The following MYH10 variants were observed in gnomAD, a reference collection of about 807,000 sequenced individuals.
The protein encoded by MYH10 is myosin-10.
In MYH10, 55 loss-of-function variants were observed where a neutral mutation model predicts 257.8. The observed-to-expected ratio is 0.21, with a 90% CI of 0.17 to 0.27. MYH10 has a LOEUF of 0.27. Ranked by LOEUF, MYH10 falls within the 10% of genes least tolerant of loss-of-function variation. The probability of loss-of-function intolerance (pLI) is 1.00; values close to 1 mark genes in which losing one functional copy is unlikely to be tolerated. For synonymous variants in MYH10, 854 were observed against 921.7 expected (o/e 0.93, Z 1.33); for missense variants, 1,631 against 2,500.6 (o/e 0.65, Z 7.42).
chr17:8,601,797 A>G (rs1359043949), intron 3 of MYH10, among the ~76,000 whole-genome samples: 1 of 152,248 alleles, frequency 6.6e-6, no homozygotes, highest in Non-Finnish European at 1.5e-5. Flanking sequence ...TTGATACAGT[A>G]TCCCCTAAAA....
chr17:8,567,214 G>C (rs1247999040), intron 7 of MYH10, among the ~76,000 whole-genome samples: 1 of 152,164 alleles, frequency 6.6e-6, no homozygotes, highest in African/African-American at 2.4e-5. Context: ...GTGACGGAAA[G>C]TCTGAAGGAA....
chr17:8,477,755 C>T lies in MYH10; in HGVS notation c.5706+583G>A, dbSNP rs1388894625. On this transcript the variant is annotated intron_variant, in intron 41 of 42. Coordinates refer to ENST00000360416, the MANE Select transcript of MYH10 (RefSeq NM_001256012.3). The surrounding 1 kb of genome is among the most constrained non-coding windows in gnomAD (Gnocchi z 4.2). ...CATCCACCTTTCTGGCCAGTGTCTG[C>T]AGTGTGAAGTCTCACCAGGCAGAGG... Among the ~76,000 whole-genome samples, 1 of 152,198 alleles carries T rather than the reference C, an allele frequency of 6.6e-6. No individual in the cohort carries two copies. Among genetic ancestry groups the T allele is most frequent in the Non-Finnish European group, 1.5e-5 (1 of 68,040 alleles).
At chr17:8,528,533 T>C (rs2081922184) in intron 17 of MYH10, among the ~76,000 whole-genome samples, 1 of 152,178 alleles carries the variant, frequency 6.6e-6, no homozygotes, top group Non-Finnish European at 1.5e-5. Flanking sequence ...TTTCTGCAAA[T>C]CTCTCTTTAT....
At chr17:8,557,304 A>G (rs899027530) in intron 7 of MYH10, among the ~76,000 whole-genome samples, 2 of 152,148 alleles carry the variant, frequency 1.3e-5, no homozygotes, top group African/African-American at 4.8e-5. Flanking sequence ...CCATTTTCCT[A>G]TTAAAAAAAA....
At chr17:8,629,398 G>A (rs1300625208) in intron 1 of MYH10, among the ~76,000 whole-genome samples, 1 of 130,154 alleles carries the variant, frequency 7.7e-6, no homozygotes, top group Non-Finnish European at 1.5e-5. Flanking sequence ...GGGAGCTGCA[G>A]AGGCCCTAAA....
At chr17:8,507,213 G>C (rs1344094559) in intron 26 of MYH10, among the ~76,000 whole-genome samples, 1 of 152,216 alleles carries the variant, frequency 6.6e-6, no homozygotes, top group Non-Finnish European at 1.5e-5. Flanking sequence ...AATGGTTTAT[G>C]AAAGTAATTT....
chr17:8,487,218 A>G (rs1332210001), intron 36 of MYH10, among the ~76,000 whole-genome samples: 2 of 152,258 alleles, frequency 1.3e-5, no homozygotes, highest in Non-Finnish European at 1.5e-5. Flanking sequence ...ACAGGAGGCC[A>G]GCATGATGCC....
rs117071188 is a variant in MYH10, at chr17:8,478,738, T to C, written c.5598-292A>G. Among the ~76,000 whole-genome samples, 448 of 152,186 alleles carry C rather than the reference T, an allele frequency of 2.9e-3. 5 individuals carry two copies. The highest frequency in any genetic ancestry group is 0.024 in the East Asian group (124 of 5,172). Reference sequence around the variant, plus strand: ...ATCATTGTACTCAGTTATCTTACTTTGTTTGTTTTTGAGATGCAGTCTTGC... The same window carrying C: ...ATCATTGTACTCAGTTATCTTACTTCGTTTGTTTTTGAGATGCAGTCTTGC... On this transcript the variant is annotated intron_variant, in intron 40 of 42. Coordinates refer to ENST00000360416, the MANE Select transcript of MYH10 (RefSeq NM_001256012.3).
At chr17:8,478,211 C>A in intron 41 of MYH10, 127 bp downstream of exon 41, 2 of 797,816 alleles carry the variant, frequency 2.5e-6, no homozygotes, top group Non-Finnish European at 4.1e-6. Flanking sequence ...GAACATGGAA[C>A]AGCCCACGTT....
At chr17:8,553,528 TTTTA>T (rs2151967009) in intron 8 of MYH10, among the ~76,000 whole-genome samples, 1 of 152,340 alleles carries the variant, frequency 6.6e-6, no homozygotes, top group South Asian at 2.1e-4. Flanking sequence ...GTACTTGACA[TTTTA>T]TTTTTTTCTC....
chr17:8,475,898 A>T lies in MYH10; in HGVS notation c.5930T>A (p.Leu1977Gln). Residue 1977 changes from leucine (L) to glutamine (Q), a missense_variant, in exon 43 of 43, where the codon CTG becomes CAG. Physicochemically the swap from Leu to Gln is moderately radical, Grantham distance 113. Around this residue, in one of 11 missense-constraint regions of MYH10, gnomAD observed 343 missense variants for 389.5 expected, o/e 0.88. Coordinates refer to ENST00000360416, the MANE Select transcript of MYH10 (RefSeq NM_001256012.3). ...FSSSRSGRRQ[L>Q]HLEGASLELS... is the part of the protein sequence containing the mutation. Reference sequence around the variant, plus strand: ...CTCCAGGGAAGCTCCTTCAAGGTGCAGCTGGCGCCGGCCAGATCGGCTGGA... The same window carrying T: ...CTCCAGGGAAGCTCCTTCAAGGTGCTGCTGGCGCCGGCCAGATCGGCTGGA... 1 of 1,614,224 alleles carries T rather than the reference A, an allele frequency of 6.2e-7. No individual in the cohort carries two copies. Among genetic ancestry groups the T allele is most frequent in the Non-Finnish European group, 8.5e-7 (1 of 1,180,050 alleles).
chr17:8,554,847 G>C (rs1435376097), intron 7 of MYH10, among the ~76,000 whole-genome samples: 1 of 152,206 alleles, frequency 6.6e-6, no homozygotes, highest in Non-Finnish European at 1.5e-5. Flanking sequence ...CAGCTACTCG[G>C]GAGGCAGAGG....
At chr17:8,567,797 A>G (rs542996075) in intron 7 of MYH10, among the ~76,000 whole-genome samples, 3 of 152,332 alleles carry the variant, frequency 2.0e-5, no homozygotes, top group Non-Finnish European at 4.4e-5. Context: ...GCACATGGAC[A>G]AGGATAATTT....
At chr17:8,592,970 T>TATATATATA (rs1567953268) in intron 3 of MYH10, among the ~76,000 whole-genome samples, 13 of 121,950 alleles carry the variant, frequency 1.1e-4, no homozygotes, top group Non-Finnish European at 1.9e-4. Context: ...TATATATATA[T>TATATATATA]AAAAGATGAT....
At chr17:8,610,306 C>T (rs1222799347) in intron 2 of MYH10, among the ~76,000 whole-genome samples, 5 of 58,556 alleles carry the variant, frequency 8.5e-5, no homozygotes, top group Admixed American at 2.0e-4. Context: ...TTGGGGGAAG[C>T]GGCCGGGCAT....
chr17:8,550,528 C>A (rs1321764419), intron 9 of MYH10, among the ~76,000 whole-genome samples: 45 of 150,632 alleles, frequency 3.0e-4, no homozygotes, highest in Middle Eastern at 3.2e-3. Flanking sequence ...GGGGGGACAG[C>A]CCCCCGCCCG....
At chr17:8,583,882 C>T (rs2083801795) in intron 4 of MYH10, among the ~76,000 whole-genome samples, 1 of 152,016 alleles carries the variant, frequency 6.6e-6, no homozygotes, top group African/African-American at 2.4e-5. Context: ...AGGAGAAAAC[C>T]AACTTGCCTA....
chr17:8,507,884 A>G (rs894377856), intron 26 of MYH10, among the ~76,000 whole-genome samples: 2 of 152,154 alleles, frequency 1.3e-5, no homozygotes, highest in African/African-American at 2.4e-5. Context: ...AGGCAAGAGA[A>G]TTGCTTGAAC....
intron 30 of MYH10, among the ~76,000 whole-genome samples, chr17:8,496,162 T>C (rs575676410): frequency 6.6e-6 from 1 of 152,354 alleles, no homozygotes; most frequent in Non-Finnish European, 1.5e-5. Flanking sequence ...TGGTATAAGA[T>C]GCTTTATAAT....
Sources: allele counts gnomAD v4.1 joint callset (sites outside exome capture counted in the v4.1 genomes callset), GRCh38; gene constraint gnomAD v4.1.1; regional missense constraint gnomAD v4.1.1; non-coding constraint Gnocchi (gnomAD v3.1); transcripts MANE v1.5; gene names NCBI Gene and HGNC (gene_info 2026-07-23, HGNC 2026-07-21).